DOK4: variants seen among roughly 807,000 people sequenced by gnomAD.
DOK4 encodes the protein downstream of tyrosine kinase 4.
A neutral mutation model predicts 40.1 loss-of-function variants in DOK4; 26 were observed. The ratio of observed to expected loss-of-function variants is 0.65; its 90% CI spans 0.48 to 0.90. The LOEUF (loss-of-function observed/expected upper bound fraction) is 0.90. DOK4 is among the 40% of genes least tolerant of loss of function. The probability of loss-of-function intolerance (pLI) is 0.00; values close to 1 mark genes in which losing one functional copy is unlikely to be tolerated. For missense variants in DOK4, 392 were observed against 437.2 expected, an observed-to-expected ratio of 0.90 and a Z score of 0.92; for synonymous variants, 179 against 177.0, an observed-to-expected ratio of 1.01 and a Z score of -0.09.
chr16:57,482,812 G>A (rs2031453761), intron 1 of DOK4, among the ~76,000 whole-genome samples: 2 of 152,144 alleles, frequency 1.3e-5, no homozygotes, highest in Admixed American at 1.3e-4. Flanking sequence ...AAAACTCCAA[G>A]GGCTGTGTGT....
chr16:57,482,052 G>A (rs1235809417), intron 1 of DOK4, among the ~76,000 whole-genome samples: 1 of 152,146 alleles, frequency 6.6e-6, no homozygotes, highest in Non-Finnish European at 1.5e-5. Flanking sequence ...TTTTAGTAGA[G>A]ACGGGGTTTC....
intron 1 of DOK4, among the ~76,000 whole-genome samples, chr16:57,482,085 C>T (rs1327480996): frequency 6.6e-5 from 10 of 152,030 alleles, no homozygotes; most frequent in East Asian, 3.9e-4. Flanking sequence ...AGGATGGTCT[C>T]GATCTCCTGA....
chr16:57,482,779 G>A (rs930177489), intron 1 of DOK4, among the ~76,000 whole-genome samples: 8 of 152,152 alleles, frequency 5.3e-5, no homozygotes, highest in Admixed American at 3.9e-4. Context: ...GAGCAACTGC[G>A]CCTGGCCAGA....
exon 3 of DOK4, chr16:57,475,910 C>A (rs1351591066): frequency 6.2e-7 from 1 of 1,613,692 alleles, no homozygotes; most frequent in Non-Finnish European, 8.5e-7. Flanking sequence ...GCCGCTGGGG[C>A]CCCTTGCTGG....
At chr16:57,486,676 T>C (rs1237926860), upstream of DOK4, among the ~76,000 whole-genome samples, 1 of 111,552 alleles carries the variant, frequency 9.0e-6, no homozygotes, top group East Asian at 2.6e-4. Flanking sequence ...CGCCCCTCCC[T>C]GGGCCCCAAA....
chr16:57,475,670 C>CTCTCTCTA (rs1190331346), intron 3 of DOK4, 50 bp from the exon 4 acceptor site: 1 of 675,512 alleles, frequency 1.5e-6, no homozygotes, highest in Non-Finnish European at 2.3e-6. Context: ...ATCTCTCTCT[C>CTCTCTCTA]TCTCTCTCTC....
intron 6 of DOK4, 84 bp from the exon 7 acceptor site, chr16:57,474,123 G>C: frequency 6.4e-7 from 1 of 1,572,924 alleles, no homozygotes; most frequent in Non-Finnish European, 8.7e-7. Context: ...GCAACTGCAA[G>C]TTGTGGTTGC....
chr16:57,475,786 C>G (rs2031148864), intron 3 of DOK4, 64 bp downstream of exon 3: 11 of 1,039,844 alleles, frequency 1.1e-5, no homozygotes, highest in Non-Finnish European at 1.4e-5. Context: ...CCCTCTCTCC[C>G]TCTCTCTCTC....
chr16:57,475,159 T>C (rs2031090537), exon 5 of DOK4: 1 of 1,613,866 alleles, frequency 6.2e-7, no homozygotes, highest in African/African-American at 1.3e-5. Flanking sequence ...ACTGATGTCG[T>C]TGAGGCGGGA....
chr16:57,473,961 G>C lies in DOK4; in HGVS notation c.678C>G (p.Ala226=), dbSNP rs377045645. ...TGTGCTGCTCTGCGATGGCCAGGGT[G>C]GCACTGTGGACGCGCTGGTAAATCT... is the stretch of plus-strand genomic sequence containing the variant. Residue 226 remains alanine, a synonymous_variant, in exon 7 of 9, where the codon GCC becomes GCG. Coordinates refer to ENST00000340099, the Ensembl canonical transcript of DOK4. 5.6e-6 allele frequency: 9 copies of C among 1,613,910 alleles called. No homozygotes were observed. The African/African-American group carries it at 1.2e-4, about 22-fold the overall frequency.
rs80083681 is a variant in DOK4, at chr16:57,485,100, G to A, written c.-182+1205C>T. Among the ~76,000 whole-genome samples, 1,069 of 152,344 alleles carry A rather than the reference G, an allele frequency of 7.0e-3. 13 individuals carry two copies. Among genetic ancestry groups the A allele is most frequent in the African/African-American group, 0.021 (865 of 41,582 alleles). On this transcript the variant is annotated intron_variant, in intron 1 of 8. Coordinates refer to ENST00000340099, the Ensembl canonical transcript of DOK4. This position sits in a 1 kb window ranked among gnomAD's most constrained non-coding sequence, Gnocchi z 4.3. Reference sequence around the variant, plus strand: ...GACCTGGCTCAGCTTCCAGAGGTGCGTGAGCCACAGTGGGCTCCCAGCTCC... The same window carrying A: ...GACCTGGCTCAGCTTCCAGAGGTGCATGAGCCACAGTGGGCTCCCAGCTCC...
At chr16:57,474,505 C>T (rs2031049207) in intron 6 of DOK4, among the ~76,000 whole-genome samples, 1 of 152,194 alleles carries the variant, frequency 6.6e-6, no homozygotes, top group Non-Finnish European at 1.5e-5. Flanking sequence ...AACCCAGACT[C>T]AGATCCACAG....
At chr16:57,480,057 G>A (rs2031359424) in intron 1 of DOK4, 1 of 152,348 alleles carries the variant, frequency 6.6e-6, no homozygotes, top group African/African-American at 2.4e-5. Flanking sequence ...CCCATCAACT[G>A]TGATAACTCT....
chr16:57,473,460 T>A lies in DOK4; in HGVS notation c.898A>T (p.Thr300Ser), dbSNP rs777553861. The change falls in exon 9 of 9, where the codon ACA becomes TCA. Residue 300 changes from threonine to serine, a missense_variant. Transcript: ENST00000340099. ...AGGATGAATCTGTTGAGGAGGTCTG[T>A]TTCCGAGCTGGCCTGGGCTGCCCCA... 8 of 1,614,218 alleles carry A rather than the reference T, an allele frequency of 5.0e-6. No homozygotes were observed. The South Asian group carries it at 8.8e-5, about 18-fold the overall frequency.
exon 5 of DOK4, chr16:57,475,128 C>T: frequency 6.2e-7 from 1 of 1,613,946 alleles, no homozygotes; most frequent in Non-Finnish European, 8.5e-7. Context: ...CCCCTGGGGC[C>T]AGGAGGTCAG....
At chr16:57,473,808 A>G (rs1204707526) in intron 7 of DOK4, 72 bp from the exon 8 acceptor site, 2 of 1,590,474 alleles carry the variant, frequency 1.3e-6, no homozygotes, top group Non-Finnish European at 1.7e-6. Flanking sequence ...CCAAGACCCT[A>G]CCTGCCTCCA....
intron 6 of DOK4, 159 bp downstream of exon 6, chr16:57,474,634 A>G: frequency 1.0e-6 from 1 of 956,472 alleles, no homozygotes; most frequent in South Asian, 1.7e-5. Context: ...CTAAGCCTCC[A>G]TTTCATTTCT....
At chr16:57,477,883 A>G (rs1309166491) in intron 2 of DOK4, among the ~76,000 whole-genome samples, 1 of 152,138 alleles carries the variant, frequency 6.6e-6, no homozygotes, top group Non-Finnish European at 1.5e-5. Flanking sequence ...CCCTGCATGG[A>G]TAGGGCCTGG....
exon 9 of DOK4, chr16:57,473,253 G>T: frequency 7.1e-7 from 1 of 1,401,122 alleles, no homozygotes; most frequent in East Asian, 2.5e-5. Context: ...GGGCAAGGAG[G>T]GGGCAGCTTG....
Sources: gnomAD v4.1 joint callset for allele counts (sites outside exome capture counted in the v4.1 genomes callset) on GRCh38, gnomAD v4.1.1 for gene constraint, Gnocchi (gnomAD v3.1) non-coding constraint, MANE v1.5 for transcripts, NCBI Gene and HGNC (gene_info 2026-07-23, HGNC 2026-07-21) for gene names.